The following SPATC1 variants were observed in gnomAD, a reference collection of about 807,000 sequenced individuals.
SPATC1 encodes the protein spermatogenesis and centriole associated 1, also known as speriolin.
SPATC1 carries 35 observed loss-of-function variants against 36.5 expected under a neutral mutation model. The ratio of observed to expected loss-of-function variants is 0.96; its 90% CI spans 0.73 to 1.27. The LOEUF (loss-of-function observed/expected upper bound fraction) is 1.27, where lower values mean the gene tolerates loss of function less well. SPATC1 is among the 50% of genes most tolerant of loss of function. The pLI is 0.00. For missense variants in SPATC1, 779 were observed against 796.0 expected (o/e 0.98, Z 0.26); for synonymous variants, 361 against 353.6 (o/e 1.02, Z -0.24).
At chr8:144,015,753 A>AG (rs1236846813) in intron 1 of SPATC1, among the ~76,000 whole-genome samples, 5 of 150,042 alleles carry the variant, frequency 3.3e-5, no homozygotes, top group South Asian at 4.2e-4. Context: ...AAAAAAAAAA[A>AG]AAAAGAAAAG....
rs1385715101 is a variant in SPATC1 at position 144,021,391 on chromosome 8, C to T, written c.211+8665C>T. On this transcript the variant is annotated intron_variant, in intron 1 of 4. Coordinates refer to ENST00000377470, the MANE Select transcript of SPATC1 (RefSeq NM_198572.3). ...ACTCTCTTCCTTCAGTATCCTCTCT[C>T]CTCGGGACCTTCCCCATCAGTACCC... Among the ~76,000 whole-genome samples, 27 of 113,708 alleles carry T rather than the reference C, an allele frequency of 2.4e-4. 4 individuals carry two copies. The South Asian group carries it at 8.8e-3, about 37-fold the overall frequency. The allele number at this position is 113,708 out of a possible 152,430, so 74.6% of individuals were successfully genotyped here.
At chr8:144,041,916 C>A in intron 4 of SPATC1, 1 of 984,888 alleles carries the variant, frequency 1.0e-6, no homozygotes, top group Non-Finnish European at 1.2e-6. Context: ...CAGGTTGGAG[C>A]TTTGCCTCTG....
intron 1 of SPATC1, among the ~76,000 whole-genome samples, chr8:144,032,063 GTCTC>G (rs1834808892): frequency 6.6e-6 from 1 of 150,890 alleles, no homozygotes; most frequent in Admixed American, 6.6e-5. Context: ...TCTCTTTATC[GTCTC>G]TCTTTCTCCT....
chr8:144,042,569 G>T (rs1554756277), intron 4 of SPATC1, among the ~76,000 whole-genome samples: 1 of 151,736 alleles, frequency 6.6e-6, no homozygotes, highest in Non-Finnish European at 1.5e-5. Flanking sequence ...TGATCCGTCC[G>T]CCTCAGCCTC....
Position 144,012,649 on chromosome 8 carries a change from C to T in SPATC1, c.134C>T (p.Ala45Val). The T allele has an allele frequency of 6.4e-7, 1 of 1,551,720 alleles. No homozygotes were observed. The highest frequency in any genetic ancestry group is 2.0e-5 in the Admixed American group (1 of 51,012). ...HELKSAIKTQAGGLGISGFTS... is the reference protein window; with the variant it reads ...HELKSAIKTQVGGLGISGFTS... Reference sequence around the variant, plus strand: ...CTCAAGTCAGCGATCAAGACTCAGGCAGGCGGGCTCGGCATCAGCGGGTTC... The same window carrying T: ...CTCAAGTCAGCGATCAAGACTCAGGTAGGCGGGCTCGGCATCAGCGGGTTC... Residue 45 changes from alanine to valine, a missense_variant, in exon 1 of 5, where the codon GCA becomes GTA. Physicochemically the swap from Ala to Val is moderately conservative, Grantham distance 64. Coordinates refer to ENST00000377470, the MANE Select transcript of SPATC1 (RefSeq NM_198572.3).
rs145229001 is a variant in SPATC1 at position 144,040,586 on chromosome 8, C to G, written c.785C>G (p.Pro262Arg). ...TCACTAGTCCCACTCTCCACTGAGC[C>G]CCCCCAGTCGACCCAGGACCCAGAG... The part of the protein sequence containing the change: ...ATTKVPLSTE[P>R]PQSTQDPEPL... The change falls in exon 3 of 5, where the codon CCC (proline) becomes CGC (arginine). Residue 262 changes from proline to arginine, a missense_variant. Physicochemically the swap from Pro to Arg is moderately radical, Grantham distance 103 (BLOSUM62 -2). Transcript: ENST00000377470. 3.9e-5 allele frequency: 62 copies of G among 1,596,584 alleles called. No individual in the cohort carries two copies. The African/African-American group carries it at 7.0e-4, about 18-fold the overall frequency.
rs1554755776 is a variant in SPATC1 at position 144,040,776 on chromosome 8, C to T, written c.975C>T (p.Ser325=). 11 of 1,588,462 alleles carry T rather than the reference C, an allele frequency of 6.9e-6. No individual in the cohort carries two copies. The highest frequency in any genetic ancestry group is 9.4e-6 in the Non-Finnish European group (11 of 1,168,418). Residue 325 remains serine, a synonymous_variant, in exon 3 of 5, where the codon TCC becomes TCT. Transcript: ENST00000377470. ...EQVVPASVPT[S]PTTSPTVTVL... ...TGGTCCCTGCATCTGTCCCCACCTCCCCCACCACCTCCCCCACGGTCACCG... is the reference window on the plus strand; with the variant it reads ...TGGTCCCTGCATCTGTCCCCACCTCTCCCACCACCTCCCCCACGGTCACCG...
rs188485412 is a variant in SPATC1 at position 144,039,859 on chromosome 8, T to A, written c.212-50T>A. 8 of 1,567,894 alleles carry A rather than the reference T, an allele frequency of 5.1e-6. No individual in the cohort carries two copies. The African/African-American group carries it at 1.1e-4, about 21-fold the overall frequency. ...ACAGAGCCTGTGACCACCCTCGCCG[T>A]GGTCTGGAGGGGCTCCCCTGGGGTC... On this transcript the variant is annotated intron_variant, in intron 1 of 4. Coordinates refer to ENST00000377470, the MANE Select transcript of SPATC1 (RefSeq NM_198572.3).
chr8:144,038,741 A>G (rs1028583999), intron 1 of SPATC1, among the ~76,000 whole-genome samples: 3 of 152,136 alleles, frequency 2.0e-5, no homozygotes, highest in African/African-American at 4.8e-5. Flanking sequence ...TAAATGGTTA[A>G]AAGAAGACTA....
intron 4 of SPATC1, among the ~76,000 whole-genome samples, chr8:144,044,358 T>C (rs1350138039): frequency 1.3e-5 from 2 of 151,136 alleles, no homozygotes; most frequent in Non-Finnish European, 3.0e-5. Flanking sequence ...CTGGAGTGCA[T>C]TGGCGCGATC....
chr8:144,030,823 C>T (rs1189799745), intron 1 of SPATC1, among the ~76,000 whole-genome samples: 5 of 151,806 alleles, frequency 3.3e-5, no homozygotes, highest in African/African-American at 1.2e-4. Context: ...CCCTGGGGGT[C>T]ACAATAAACA....
At chr8:144,037,506 C>A (rs193019303) in intron 1 of SPATC1, among the ~76,000 whole-genome samples, 1 of 152,108 alleles carries the variant, frequency 6.6e-6, no homozygotes, top group African/African-American at 2.4e-5. Flanking sequence ...TGTGACCTTA[C>A]CCCCAACCCT....
rs1224541968 is a variant in SPATC1, at chr8:144,041,994, G to A, written c.1446+623G>A. ...TTTGTTTGTTTTCAGATGGACTCTC[G>A]CTCTGTCACCTGCCCAGGGTGAGCT... On this transcript the variant is annotated intron_variant, in intron 4 of 4. Transcript: ENST00000377470. The A allele has an allele frequency of 1.0e-5, 10 of 984,936 alleles. No individual in the cohort carries two copies. The East Asian group carries it at 3.4e-4, about 34-fold the overall frequency. The allele number at this position is 984,936 out of a possible 1,614,324, so 61.0% of individuals were successfully genotyped here. A position where few individuals can be genotyped will look rare whatever the true frequency, so the allele number is the denominator to read the frequency against.
At chr8:144,042,284 A>AATATATATATATATATATAT (rs1554756220) in intron 4 of SPATC1, among the ~76,000 whole-genome samples, 5 of 36,300 alleles carry the variant, frequency 1.4e-4, no homozygotes, top group African/African-American at 8.0e-4. Context: ...ACGCCCAGCT[A>AATATATATATATATATATAT]ATATATATAT....
chr8:144,016,081 A>T lies in SPATC1; in HGVS notation c.211+3355A>T, dbSNP rs1407116898. Among the ~76,000 whole-genome samples, 1 of 151,206 alleles carries T rather than the reference A, an allele frequency of 6.6e-6. No homozygotes were observed. Among genetic ancestry groups the T allele is most frequent in the Admixed American group, 6.6e-5 (1 of 15,204 alleles). On this transcript the variant is annotated intron_variant, in intron 1 of 4. Coordinates refer to ENST00000377470, the MANE Select transcript of SPATC1 (RefSeq NM_198572.3). The surrounding 1 kb of genome is among the most constrained non-coding windows in gnomAD (Gnocchi z 4.5). ...CTCTGTCTCAAAAAAAAAAAAAAGAAAAAAGAAAGAAAGAAAGAAAAGAAA... is the reference window on the plus strand; with the variant it reads ...CTCTGTCTCAAAAAAAAAAAAAAGATAAAAGAAAGAAAGAAAGAAAAGAAA...
Position 144,036,819 on chromosome 8 carries a change from T to C in SPATC1, c.212-3090T>C, listed in dbSNP as rs888387083. Reference sequence around the variant, plus strand: ...CAAGACTTACGTAATAGGGTGTTTGTCATCAGGGAACACGGGAATCGATTG... The same window carrying C: ...CAAGACTTACGTAATAGGGTGTTTGCCATCAGGGAACACGGGAATCGATTG... On this transcript the variant is annotated intron_variant, in intron 1 of 4. Coordinates refer to ENST00000377470, the MANE Select transcript of SPATC1 (RefSeq NM_198572.3). 1.4e-3 allele frequency among the ~76,000 whole-genome samples: 214 copies of C among 152,006 alleles called. 1 individual carries two copies. Among genetic ancestry groups the C allele is most frequent in the African/African-American group, 4.9e-3 (202 of 41,456 alleles).
chr8:144,042,098 A>ACTCTTT, intron 4 of SPATC1: 1 of 781,730 alleles, frequency 1.3e-6, no homozygotes, highest in Non-Finnish European at 1.6e-6. Flanking sequence ...ACAACAGTGT[A>ACTCTTT]TGTACCCAGC....
Position 144,040,369 on chromosome 8 carries a change from A to G in SPATC1, c.672A>G (p.Pro224=). 11 of 1,612,586 alleles carry G rather than the reference A, an allele frequency of 6.8e-6. No homozygotes were observed. The highest frequency in any genetic ancestry group is 7.6e-6 in the Non-Finnish European group (9 of 1,179,846). Residue 224 remains proline, a synonymous_variant, in exon 2 of 5, where the codon CCA becomes CCG. Transcript: ENST00000377470. ...ACCCCATGAGCAACCTGGTCCTGCC[A>G]GAGGCCCCAAGGCTGCGGCTGGCTG... ...LANPMSNLVL[P]EAPRLRLAEP... is the part of the protein sequence containing the mutation.
chr8:144,038,972 G>A (rs369946852), intron 1 of SPATC1, among the ~76,000 whole-genome samples: 13 of 152,140 alleles, frequency 8.5e-5, no homozygotes, highest in Non-Finnish European at 1.8e-4. Flanking sequence ...ATATACGCAC[G>A]GTAGAGAAGG....
Sources: allele counts gnomAD v4.1 joint callset (sites outside exome capture counted in the v4.1 genomes callset), GRCh38; gene constraint gnomAD v4.1.1; non-coding constraint Gnocchi (gnomAD v3.1); transcripts MANE v1.5; gene names NCBI Gene and HGNC (gene_info 2026-07-23, HGNC 2026-07-21).